Variants in LINGO2 observed in about 807,000 individuals in gnomAD.
The protein encoded by LINGO2 is leucine-rich repeat and immunoglobulin-like domain-containing nogo receptor-interacting protein 2.
A neutral mutation model predicts 30.6 loss-of-function variants in LINGO2; 14 were observed. The observed-to-expected ratio is 0.46, with a 90% CI of 0.30 to 0.72. The LOEUF is 0.72. Ranked by LOEUF, LINGO2 falls within the 30% of genes least tolerant of loss-of-function variation. The probability of loss-of-function intolerance (pLI) is 0.07; values close to 1 mark genes in which losing one functional copy is unlikely to be tolerated. For synonymous variants in LINGO2, 317 were observed against 288.5 expected (o/e 1.10, Z -1.00); for missense variants, 729 against 751.7 (o/e 0.97, Z 0.35).
intron 1 of LINGO2, among the ~76,000 whole-genome samples, chr9:28,596,500 G>C (rs1825184525): frequency 6.6e-6 from 1 of 152,066 alleles, no homozygotes; most frequent in African/African-American, 2.4e-5. Flanking sequence ...TCTTAGTAGA[G>C]AATATTCTAT....
intron 2 of LINGO2, among the ~76,000 whole-genome samples, chr9:28,449,871 C>T (rs1824581347): frequency 6.6e-6 from 1 of 151,992 alleles, no homozygotes; most frequent in East Asian, 1.9e-4. Flanking sequence ...CCAAATCAGG[C>T]TAAATTATCC....
At chr9:28,775,547 A>G in the LINGO2 span, among the ~76,000 whole-genome samples, 8 of 152,192 alleles carry the variant, frequency 5.3e-5, no homozygotes, top group Admixed American at 1.3e-4. Context: ...GAAAGAATAC[A>G]TATCTTTTTG....
At chr9:28,768,572 G>A in the LINGO2 span, among the ~76,000 whole-genome samples, 2 of 145,408 alleles carry the variant, frequency 1.4e-5, no homozygotes, top group Middle Eastern at 3.8e-3. Flanking sequence ...TCACCTCTAG[G>A]GTTTGTTAAT....
Position 28,173,818 on chromosome 9 carries a change from A to T in LINGO2, c.-87+121390T>A, listed in dbSNP as rs573162923. On this transcript the variant is annotated intron_variant, in intron 4 of 5. Transcript: ENST00000379992. ...TACTGTGCCTGTTAGGTTTTATCTT[A>T]TTGAGCCACTGGAATTTTCCCATGT... Among the ~76,000 whole-genome samples, 72 of 152,338 alleles carry T rather than the reference A, an allele frequency of 4.7e-4. No homozygotes were observed. The Middle Eastern group carries it at 0.014, about 29-fold the overall frequency.
chr9:28,812,002 T>G, the LINGO2 span, among the ~76,000 whole-genome samples: 2 of 152,080 alleles, frequency 1.3e-5, no homozygotes, highest in African/African-American at 4.8e-5. Flanking sequence ...TTTTCTACAT[T>G]TAATATAAAA....
the LINGO2 span, among the ~76,000 whole-genome samples, chr9:28,752,488 C>T: frequency 6.6e-6 from 1 of 151,988 alleles, no homozygotes; most frequent in Non-Finnish European, 1.5e-5. Flanking sequence ...GGCACACAAT[C>T]TATGCTATAT....
chr9:28,775,089 C>A, the LINGO2 span, among the ~76,000 whole-genome samples: 1 of 152,080 alleles, frequency 6.6e-6, no homozygotes, highest in Non-Finnish European at 1.5e-5. Flanking sequence ...GCTGGTGATG[C>A]TGCCAAAGTG....
intron 1 of LINGO2, among the ~76,000 whole-genome samples, chr9:28,501,466 C>T (rs1466857444): frequency 6.6e-6 from 1 of 152,056 alleles, no homozygotes; most frequent in Non-Finnish European, 1.5e-5. Context: ...CCAACAAAGT[C>T]AAGTGGGGAA....
chr9:28,939,417 CT>C, the LINGO2 span, among the ~76,000 whole-genome samples: 8 of 152,142 alleles, frequency 5.3e-5, no homozygotes, highest in Non-Finnish European at 1.2e-4. Context: ...CTTTCATACC[CT>C]TCAGCTGCCT....
At chr9:28,490,538 C>T (rs1826355146) in intron 1 of LINGO2, among the ~76,000 whole-genome samples, 1 of 152,142 alleles carries the variant, frequency 6.6e-6, no homozygotes, top group Non-Finnish European at 1.5e-5. Context: ...AAAGCCAGAA[C>T]TAGAAGCCAC....
the LINGO2 span, among the ~76,000 whole-genome samples, chr9:28,676,743 T>C: frequency 6.6e-6 from 1 of 152,154 alleles, no homozygotes; most frequent in Admixed American, 6.6e-5. Flanking sequence ...CATAATTGGA[T>C]ATTGGCATTT....
At chr9:28,517,954 C>T (rs183178346) in intron 1 of LINGO2, among the ~76,000 whole-genome samples, 2 of 152,288 alleles carry the variant, frequency 1.3e-5, no homozygotes, top group South Asian at 2.1e-4. Context: ...TTTGTTCGAA[C>T]ATAGCAGTCT....
chr9:29,206,877 G>A, the LINGO2 span, among the ~76,000 whole-genome samples: 5 of 151,860 alleles, frequency 3.3e-5, no homozygotes, highest in African/African-American at 7.3e-5. Flanking sequence ...TTAACTAATC[G>A]AGACCAAAGC....
At position 28,441,399 on chromosome 9, in the gene LINGO2, T is replaced by TCTTTGATAGACTTTACCTCATACTTC. The variant is rs573007377; in HGVS notation, c.-279+34515_-279+34540dup. Among the ~76,000 whole-genome samples the TCTTTGATAGACTTTACCTCATACTTC allele has an allele frequency of 8.3e-3, 1,254 of 151,684 alleles. 18 individuals carry two copies. Among genetic ancestry groups the TCTTTGATAGACTTTACCTCATACTTC allele is most frequent in the African/African-American group, 0.029 (1,180 of 41,196 alleles). ...AGTATGAAATCTACCACTTTGTTCA[T>TCTTTGATAGACTTTACCTCATACTTC]CTTTGATAGACTTTACCTCATACTT... On this transcript the variant is annotated intron_variant, in intron 2 of 5. Transcript: ENST00000379992.
chr9:28,255,362 C>T (rs2134024698), intron 4 of LINGO2, among the ~76,000 whole-genome samples: 1 of 152,148 alleles, frequency 6.6e-6, no homozygotes, highest in South Asian at 2.1e-4. Flanking sequence ...ATCTTATCCT[C>T]CTGTAGAGAA....
At chr9:29,084,713 G>A in the LINGO2 span, among the ~76,000 whole-genome samples, 25 of 151,812 alleles carry the variant, frequency 1.6e-4, no homozygotes, top group African/African-American at 5.5e-4. Context: ...TCAAATTTCC[G>A]CTTTTAAGAG....
chr9:28,322,565 A>C (rs1375521361), intron 3 of LINGO2, among the ~76,000 whole-genome samples: 1 of 152,172 alleles, frequency 6.6e-6, no homozygotes, highest in Non-Finnish European at 1.5e-5. Context: ...GAATTTAATA[A>C]AAATTAAGGA....
chr9:28,485,468 G>C (rs902525467), intron 1 of LINGO2, among the ~76,000 whole-genome samples: 3 of 152,028 alleles, frequency 2.0e-5, no homozygotes, highest in Admixed American at 6.6e-5. Context: ...TCAAGTAAAT[G>C]ATAATGACAT....
the LINGO2 span, among the ~76,000 whole-genome samples, chr9:29,143,852 T>C: frequency 6.6e-6 from 1 of 152,202 alleles, no homozygotes; most frequent in Non-Finnish European, 1.5e-5. Context: ...TCCGTGCCTA[T>C]GTCCTGAATT....
Sources: gnomAD v4.1 joint callset for allele counts (sites outside exome capture counted in the v4.1 genomes callset) on GRCh38, gnomAD v4.1.1 for gene constraint, MANE v1.5 for transcripts, NCBI Gene and HGNC (gene_info 2026-07-23, HGNC 2026-07-21) for gene names.